Variants in KLRG2 observed in about 807,000 individuals in gnomAD.
KLRG2 encodes killer cell lectin-like receptor subfamily G member 2.
Under a neutral mutation model 35.4 loss-of-function variants are expected in KLRG2, and 39 were observed. The ratio of observed to expected loss-of-function variants is 1.10; its 90% confidence interval spans 0.85 to 1.44. The LOEUF (loss-of-function observed/expected upper bound fraction) is 1.44, where lower values mean the gene tolerates loss of function less well. Among genes scored for constraint, KLRG2 ranks in the 40% most tolerant of loss-of-function variants. The probability of loss-of-function intolerance (pLI) is 0.00; values close to 1 mark genes in which losing one functional copy is unlikely to be tolerated. For missense variants in KLRG2, 632 were observed against 570.9 expected, an observed-to-expected ratio of 1.11 and a Z score of -1.09; for synonymous variants, 283 against 265.8, an observed-to-expected ratio of 1.06 and a Z score of -0.63.
At position 139,453,227 on chromosome 7, in the gene KLRG2, G is replaced by C. The variant is rs371583219; in HGVS notation, c.*360C>G. On this transcript the variant is annotated 3_prime_UTR_variant, in exon 5 of 5. Transcript: ENST00000340940. ...TTCCATGAGCCGGAATGAGAACCCAGATTGGAATCCGCTGTGGTTGTTAAC... is the reference window on the plus strand; with the variant it reads ...TTCCATGAGCCGGAATGAGAACCCACATTGGAATCCGCTGTGGTTGTTAAC... 2.4e-6 allele frequency: 1 copy of C among 421,904 alleles called. No homozygotes were observed. 26.1% of individuals were successfully genotyped at this position (421,904 alleles called of 1,614,324 possible).
At chr7:139,469,349 G>A (rs1469779689) in intron 3 of KLRG2, among the ~76,000 whole-genome samples, 5 of 152,026 alleles carry the variant, frequency 3.3e-5, no homozygotes, top group Non-Finnish European at 5.9e-5. Context: ...TAGTAGAGAC[G>A]GGGTTTCACC....
rs771171088 is a variant in KLRG2 at position 139,453,058 on chromosome 7, G to T, written c.*529C>A. On this transcript the variant is annotated 3_prime_UTR_variant, in exon 5 of 5. Coordinates refer to ENST00000340940, the MANE Select transcript of KLRG2 (RefSeq NM_198508.4). ...AACCTTGCTCTCCCCTCTTTCCAGG[G>T]CTGACCGCTCCTTTTCCTTGGTTAA... 3.6e-4 allele frequency: 58 copies of T among 160,322 alleles called. No individual in the cohort carries two copies. The highest frequency in any genetic ancestry group is 6.2e-3 in the Middle Eastern group (2 of 324). 9.9% of individuals were successfully genotyped at this position (160,322 alleles called of 1,614,324 possible). A position where few individuals can be genotyped will look rare whatever the true frequency, so the allele number is the denominator to read the frequency against.
At chr7:139,457,773 C>T (rs1385812457) in intron 3 of KLRG2, among the ~76,000 whole-genome samples, 4 of 152,196 alleles carry the variant, frequency 2.6e-5, no homozygotes, top group Admixed American at 2.6e-4. Context: ...CCACCCACTC[C>T]ATTCCATTCT....
intron 3 of KLRG2, among the ~76,000 whole-genome samples, chr7:139,467,437 C>T (rs2116454854): frequency 6.6e-6 from 1 of 152,248 alleles, no homozygotes; most frequent in Middle Eastern, 3.4e-3. Flanking sequence ...CAGATTGTTA[C>T]TGTGTCTGTG....
At chr7:139,467,085 C>T (rs55769839) in intron 3 of KLRG2, among the ~76,000 whole-genome samples, 19,213 of 152,020 alleles carry the variant, frequency 0.13, 1,318 homozygotes, top group African/African-American at 0.18. Context: ...CTTTTAACAA[C>T]CCCACAATAT....
intron 3 of KLRG2, among the ~76,000 whole-genome samples, chr7:139,471,403 T>C (rs934518301): frequency 2.0e-5 from 3 of 152,158 alleles, no homozygotes; most frequent in Admixed American, 6.5e-5. Context: ...GGTTCACGCC[T>C]GTAATCCTAG....
At chr7:139,446,282 C>CCA in the KLRG2 span, among the ~76,000 whole-genome samples, 1 of 151,484 alleles carries the variant, frequency 6.6e-6, no homozygotes, top group South Asian at 2.1e-4. Context: ...GCCAGCAGAG[C>CCA]CACATTCCCC....
rs116362383 is a variant in KLRG2 at position 139,457,937 on chromosome 7, A to C, written c.1006-3723T>G. 2.8e-3 allele frequency among the ~76,000 whole-genome samples: 429 copies of C among 152,328 alleles called. 1 individual carries two copies. The highest frequency in any genetic ancestry group is 9.5e-3 in the African/African-American group (397 of 41,584). On this transcript the variant is annotated intron_variant, in intron 3 of 4. Transcript: ENST00000340940. ...GTGCAAAAGATCCTGAGGCCTCCTTAACTGTGGATTCTCCAACTTTTCCAC... is the reference window on the plus strand; with the variant it reads ...GTGCAAAAGATCCTGAGGCCTCCTTCACTGTGGATTCTCCAACTTTTCCAC...
chr7:139,470,000 A>G (rs995498307), intron 3 of KLRG2, among the ~76,000 whole-genome samples: 6 of 152,280 alleles, frequency 3.9e-5, no homozygotes, highest in Non-Finnish European at 7.4e-5. Flanking sequence ...GAGCTCCTAC[A>G]TATCAACAAG....
intron 3 of KLRG2, among the ~76,000 whole-genome samples, chr7:139,454,765 G>A (rs553741980): frequency 1.3e-5 from 2 of 151,236 alleles, no homozygotes; most frequent in South Asian, 2.1e-4. Flanking sequence ...GCAGTAAGCC[G>A]AGATTGCGCC....
chr7:139,429,477 A>T, the KLRG2 span, among the ~76,000 whole-genome samples: 1 of 151,688 alleles, frequency 6.6e-6, no homozygotes, highest in Admixed American at 6.6e-5. Flanking sequence ...TCAGCAGATA[A>T]GTGAACAAAG....
At chr7:139,472,945 T>C (rs1796785324) in intron 3 of KLRG2, among the ~76,000 whole-genome samples, 1 of 152,204 alleles carries the variant, frequency 6.6e-6, no homozygotes, top group Non-Finnish European at 1.5e-5. Context: ...CAGAGGCTTT[T>C]AGAATCCAGG....
downstream of KLRG2, among the ~76,000 whole-genome samples, chr7:139,451,503 A>T (rs780616352): frequency 4.6e-5 from 7 of 151,762 alleles, no homozygotes; most frequent in Non-Finnish European, 8.8e-5. Context: ...GGCCTCAAAA[A>T]AAAATTTTTT....
At chr7:139,456,915 C>A (rs1243157095) in intron 3 of KLRG2, among the ~76,000 whole-genome samples, 1 of 147,748 alleles carries the variant, frequency 6.8e-6, no homozygotes, top group Non-Finnish European at 1.5e-5. Context: ...CTCAGTGAAA[C>A]TGCCTCCCCG....
chr7:139,457,703 C>T (rs1796500651), intron 3 of KLRG2, among the ~76,000 whole-genome samples: 1 of 152,194 alleles, frequency 6.6e-6, no homozygotes, highest in Non-Finnish European at 1.5e-5. Context: ...CACCCTTCCC[C>T]TCTGGGCCTC....
At position 139,483,513 on chromosome 7, in the gene KLRG2, G is replaced by A; in HGVS notation, c.130C>T (p.Pro44Ser). 3 of 1,599,456 alleles carry A rather than the reference G, an allele frequency of 1.9e-6. No homozygotes were observed. Among genetic ancestry groups the A allele is most frequent in the Non-Finnish European group, 2.5e-6 (3 of 1,179,008 alleles). Residue 44 changes from proline (P) to serine (S), a missense_variant, in exon 1 of 5, where the codon CCC becomes TCC. Coordinates refer to ENST00000340940, the MANE Select transcript of KLRG2 (RefSeq NM_198508.4). Reference protein sequence around the residue: ...VPAKVRQPEGPESSPSPAGAV... With the variant: ...VPAKVRQPEGSESSPSPAGAV... ...CCGGCCGGACTTGGGCTGCTTTCGG[G>A]ACCTTCAGGTTGTCGCACCTTCGCG...
chr7:139,475,447 C>T (rs1055810029), intron 3 of KLRG2, among the ~76,000 whole-genome samples: 23 of 151,338 alleles, frequency 1.5e-4, no homozygotes, highest in Admixed American at 1.3e-3. Context: ...AGGAGAATGG[C>T]GTGAAACTGG....
Position 139,479,682 on chromosome 7 carries a change from C to T in KLRG2, c.950G>A (p.Ser317Asn), listed in dbSNP as rs1585178337. Residue 317 changes from serine to asparagine, a missense_variant, in exon 3 of 5, where the codon AGC becomes AAC. Physicochemically the swap from Ser to Asn is conservative, Grantham distance 46. Coordinates refer to ENST00000340940, the MANE Select transcript of KLRG2 (RefSeq NM_198508.4). ...GTGGTAGGCTGAGCAGAAAGCCTGG[C>T]TGGCTTCCCAGGCCTGCGCTTCTGC... ...FSAEAQAWEA[S>N]QAFCSAYHAT... 4.3e-6 allele frequency: 7 copies of T among 1,613,972 alleles called. No individual in the cohort carries two copies. Among genetic ancestry groups the T allele is most frequent in the Non-Finnish European group, 5.9e-6 (7 of 1,180,014 alleles).
the KLRG2 span, among the ~76,000 whole-genome samples, chr7:139,432,553 C>CT: frequency 6.7e-6 from 1 of 150,150 alleles, no homozygotes; most frequent in Non-Finnish European, 1.5e-5. Context: ...GACCCCCCCC[C>CT]CCCAATATTT....
Sources: allele counts gnomAD v4.1 joint callset (sites outside exome capture counted in the v4.1 genomes callset), GRCh38; gene constraint gnomAD v4.1.1; transcripts MANE v1.5; gene names NCBI Gene and HGNC (gene_info 2026-07-23, HGNC 2026-07-21).